Variants in LUC7L3 observed in about 807,000 individuals in gnomAD.
LUC7L3 encodes the protein LUC7 like 3 pre-mRNA splicing factor, also known as luc7-like protein 3.
A neutral mutation model predicts 66.8 loss-of-function variants in LUC7L3; 6 were observed. The ratio of observed to expected loss-of-function variants is 0.09; its 90% CI spans 0.05 to 0.18. The LOEUF is 0.18. Ranked by LOEUF, LUC7L3 falls within the 10% of genes least tolerant of loss-of-function variation. The pLI, the probability that LUC7L3 is intolerant of heterozygous loss-of-function variation, is 1.00. For missense variants in LUC7L3, 341 were observed against 531.1 expected, an observed-to-expected ratio of 0.64 and a Z score of 3.52; for synonymous variants, 160 against 174.7, an observed-to-expected ratio of 0.92 and a Z score of 0.66.
rs1970982095 is a variant in LUC7L3, at chr17:50,751,740, TACATTTAAAGCAGCAGTGTGAATA to T, written c.*1080_*1103del. On this transcript the variant is annotated 3_prime_UTR_variant, in exon 10 of 10. Transcript: ENST00000505658. ...GTAGGAATAGTCACTCACTGGCTGATACATTTAAAGCAGCAGTGTGAATAGCAAGGACAGACACCTTCAATTTGT... is the reference window on the plus strand; with the variant it reads ...GTAGGAATAGTCACTCACTGGCTGATGCAAGGACAGACACCTTCAATTTGT... The T allele has an allele frequency of 9.7e-7, 1 of 1,036,060 alleles. No individual in the cohort carries two copies. Among genetic ancestry groups the T allele is most frequent in the Admixed American group, 5.2e-5 (1 of 19,368 alleles). The allele number at this position is 1,036,060 out of a possible 1,614,324, so 64.2% of individuals were successfully genotyped here.
chr17:50,729,697 C>A (rs1362190840), intron 1 of LUC7L3, among the ~76,000 whole-genome samples: 1 of 151,972 alleles, frequency 6.6e-6, no homozygotes, highest in Non-Finnish European at 1.5e-5. Context: ...GGAGAACTTG[C>A]AGACTCCTAC....
Position 50,719,683 on chromosome 17 carries a change from TCGTTGGCGGG to T in LUC7L3, c.-49_-40del, listed in dbSNP as rs766591175. The stretch of plus-strand genomic sequence containing the variant: ...ATTGGCGACGGTGTCGCCCGTGTTT[TCGTTGGCGGG>T]TGCCTGGGCTGGTGGGAACAGCCGC... On this transcript the variant is annotated 5_prime_UTR_variant, in exon 1 of 10. Transcript: ENST00000505658. The T allele has an allele frequency of 1.3e-6, 2 of 1,501,410 alleles. No homozygotes were observed. The highest frequency in any genetic ancestry group is 3.6e-5 in the Admixed American group (2 of 55,476). The allele number at this position is 1,501,410 out of a possible 1,614,324, so 93.0% of individuals were successfully genotyped here.
At chr17:50,724,645 GTC>G in intron 1 of LUC7L3, among the ~76,000 whole-genome samples, 1 of 142,304 alleles carries the variant, frequency 7.0e-6, no homozygotes, top group East Asian at 2.1e-4. Flanking sequence ...GTGTGTGTGT[GTC>G]ATTATATATG....
chr17:50,738,505 T>C lies in LUC7L3; in HGVS notation c.166+1479T>C, dbSNP rs917770504. 9.9e-5 allele frequency among the ~76,000 whole-genome samples: 15 copies of C among 152,150 alleles called. 1 individual carries two copies. Among genetic ancestry groups the C allele is most frequent in the South Asian group, 8.3e-4 (4 of 4,830 alleles). On this transcript the variant is annotated intron_variant, in intron 2 of 9. Transcript: ENST00000505658. ...GAAATTTAGTATCTTCAGAGACATATGAGAAGACACTATATTCTTCAGCAA... is the reference window on the plus strand; with the variant it reads ...GAAATTTAGTATCTTCAGAGACATACGAGAAGACACTATATTCTTCAGCAA...
At chr17:50,741,634 A>G in intron 4 of LUC7L3, 23 bp from the exon 5 acceptor site, 1 of 1,539,716 alleles carries the variant, frequency 6.5e-7, no homozygotes, top group Non-Finnish European at 9.0e-7. Flanking sequence ...CTTGTTGGTA[A>G]TACGTTTTAT....
At chr17:50,733,162 AC>A (rs1482646859) in intron 1 of LUC7L3, among the ~76,000 whole-genome samples, 1 of 152,100 alleles carries the variant, frequency 6.6e-6, no homozygotes, top group African/African-American at 2.4e-5. Flanking sequence ...AATCTCCAAA[AC>A]CCTAGAATAT....
At chr17:50,739,435 C>T (rs1050118628) in intron 2 of LUC7L3, among the ~76,000 whole-genome samples, 1 of 152,082 alleles carries the variant, frequency 6.6e-6, no homozygotes, top group Non-Finnish European at 1.5e-5. Context: ...GCAGATCACT[C>T]GAGGTGAGGA....
chr17:50,729,894 C>CT (rs1969445589), intron 1 of LUC7L3, among the ~76,000 whole-genome samples: 6 of 103,288 alleles, frequency 5.8e-5, no homozygotes, highest in African/African-American at 2.3e-4. Context: ...AATATAAATA[C>CT]ATTATATATA....
At position 50,745,863 on chromosome 17, in the gene LUC7L3, A is replaced by G; in HGVS notation, c.837A>G (p.Arg279=). 1 of 1,601,486 alleles carries G rather than the reference A, an allele frequency of 6.2e-7. No individual in the cohort carries two copies. The highest frequency in any genetic ancestry group is 8.5e-7 in the Non-Finnish European group (1 of 1,171,180). The change falls in exon 8 of 10, where the codon AGA becomes AGG. Residue 279 remains arginine (R), a synonymous_variant. Coordinates refer to ENST00000505658, the MANE Select transcript of LUC7L3 (RefSeq NM_016424.5). ...ERKRRREEEE[R]EKERARDRER... ...AAAGACGAAGGGAAGAGGAAGAAAG[A>G]GAAAAAGAAAGGGCTCGTGACAGAG...
intron 1 of LUC7L3, among the ~76,000 whole-genome samples, chr17:50,729,906 A>T (rs8075355): frequency 6.9e-5 from 1 of 14,506 alleles, no homozygotes; most frequent in Non-Finnish European, 1.5e-4. Flanking sequence ...TTATATATAT[A>T]TATATATATA....
chr17:50,743,562 C>A, intron 5 of LUC7L3, 144 bp from the exon 6 acceptor site: 2 of 591,732 alleles, frequency 3.4e-6, no homozygotes, highest in Non-Finnish European at 6.0e-6. Flanking sequence ...AAAAAAAATC[C>A]AGGATAAATT....
chr17:50,751,866 G>T lies in LUC7L3; in HGVS notation c.*1205G>T, dbSNP rs1198819643. On this transcript the variant is annotated 3_prime_UTR_variant, in exon 10 of 10. Transcript: ENST00000505658. ...ATATTAAAAGTTAGGTACTGTAAGT[G>T]TTCTTAAAACCTGTAAACTTCATTC... 3 of 1,013,654 alleles carry T rather than the reference G, an allele frequency of 3.0e-6. No individual in the cohort carries two copies. The highest frequency in any genetic ancestry group is 3.5e-6 in the Non-Finnish European group (3 of 846,968). 62.8% of individuals were successfully genotyped at this position (1,013,654 alleles called of 1,614,324 possible).
intron 1 of LUC7L3, among the ~76,000 whole-genome samples, chr17:50,724,427 A>T (rs1306344834): frequency 6.6e-6 from 1 of 152,050 alleles, no homozygotes; most frequent in African/African-American, 2.4e-5. Context: ...AGGTTGAGGC[A>T]GGAGGATCCT....
intron 1 of LUC7L3, among the ~76,000 whole-genome samples, chr17:50,720,287 G>T (rs1024679876): frequency 2.0e-5 from 3 of 152,224 alleles, no homozygotes; most frequent in African/African-American, 7.2e-5. Context: ...CGCTTATACG[G>T]GGAAATAGAA....
intron 9 of LUC7L3, among the ~76,000 whole-genome samples, chr17:50,750,290 C>A (rs1255388289): frequency 6.6e-6 from 1 of 152,188 alleles, no homozygotes; most frequent in East Asian, 1.9e-4. Flanking sequence ...AATTTACCCA[C>A]TATTTTACCT....
intron 6 of LUC7L3, among the ~76,000 whole-genome samples, chr17:50,744,341 T>A (rs1032531086): frequency 6.6e-6 from 1 of 152,234 alleles, no homozygotes; most frequent in South Asian, 2.1e-4. Flanking sequence ...TCCTTGAACC[T>A]AAGCAAGGAA....
At chr17:50,748,368 T>G (rs1194550428) in intron 9 of LUC7L3, 3 of 152,110 alleles carry the variant, frequency 2.0e-5, no homozygotes, top group Non-Finnish European at 4.4e-5. Flanking sequence ...CCAGGCTGAG[T>G]GCAGTGGCAC....
Position 50,751,550 on chromosome 17 carries a change from A to G in LUC7L3, c.*889A>G, listed in dbSNP as rs898114286. The G allele has an allele frequency of 8.5e-7, 1 of 1,170,158 alleles. No homozygotes were observed. Among genetic ancestry groups the G allele is most frequent in the Non-Finnish European group, 1.1e-6 (1 of 932,112 alleles). The allele number at this position is 1,170,158 out of a possible 1,614,324, so 72.5% of individuals were successfully genotyped here. On this transcript the variant is annotated 3_prime_UTR_variant, in exon 10 of 10. Coordinates refer to ENST00000505658, the MANE Select transcript of LUC7L3 (RefSeq NM_016424.5). The stretch of plus-strand genomic sequence containing the variant: ...ATGGAATTTTTTTTCAACTGTATGT[A>G]GGGCTGCAGTGGTGGCCAGAATTAG...
At chr17:50,735,825 T>C (rs1290223668) in intron 1 of LUC7L3, among the ~76,000 whole-genome samples, 3 of 152,242 alleles carry the variant, frequency 2.0e-5, no homozygotes, top group African/African-American at 7.2e-5. Flanking sequence ...TCATGTGTTA[T>C]AGTTGTGCAT....
Sources: allele counts gnomAD v4.1 joint callset (sites outside exome capture counted in the v4.1 genomes callset), GRCh38; gene constraint gnomAD v4.1.1; transcripts MANE v1.5; gene names NCBI Gene and HGNC (gene_info 2026-07-23, HGNC 2026-07-21).